The following CADM2 variants were observed in gnomAD, a reference collection of about 807,000 sequenced individuals.
CADM2 encodes the protein immunoglobulin superfamily member 4D.
In CADM2, 12 loss-of-function variants were observed where a neutral mutation model predicts 49.8. The observed-to-expected ratio is 0.24, with a 90% CI of 0.15 to 0.39. The LOEUF (loss-of-function observed/expected upper bound fraction) is 0.39, where lower values mean the gene tolerates loss of function less well. CADM2 is among the 10% of genes least tolerant of loss of function. The pLI is 1.00. For synonymous variants in CADM2, 214 were observed against 175.4 expected, an observed-to-expected ratio of 1.22 and a Z score of -1.74; for missense variants, 378 against 492.3, an observed-to-expected ratio of 0.77 and a Z score of 2.20.
chr3:85,088,573 G>A (rs942197171), intron 1 of CADM2, among the ~76,000 whole-genome samples: 1 of 151,938 alleles, frequency 6.6e-6, no homozygotes, highest in East Asian at 1.9e-4. Context: ...TTCTAATTAG[G>A]AAATAGGCCT....
intron 1 of CADM2, among the ~76,000 whole-genome samples, chr3:85,300,221 C>A (rs1382302872): frequency 6.6e-6 from 1 of 152,030 alleles, no homozygotes; most frequent in African/African-American, 2.4e-5. Context: ...TCCAAATCAT[C>A]TTCTCTAGAG....
At chr3:85,736,515 T>C (rs1431789441) in intron 2 of CADM2, among the ~76,000 whole-genome samples, 2 of 152,164 alleles carry the variant, frequency 1.3e-5, no homozygotes, top group Non-Finnish European at 2.9e-5. Context: ...AGCAGGGGAC[T>C]AAAAGACAGC....
intron 1 of CADM2, among the ~76,000 whole-genome samples, chr3:85,269,410 C>T (rs2043186930): frequency 6.6e-6 from 1 of 151,240 alleles, no homozygotes; most frequent in Non-Finnish European, 1.5e-5. Context: ...TGACAGATTA[C>T]ACCCCAAAAA....
intron 1 of CADM2, among the ~76,000 whole-genome samples, chr3:85,223,559 T>G (rs2042086272): frequency 6.6e-6 from 1 of 152,218 alleles, no homozygotes. Context: ...ATGTGTGTAT[T>G]CAGAGAGGTA....
Position 85,833,333 on chromosome 3 carries a change from T to C in CADM2, c.238+31137T>C, listed in dbSNP as rs922239808. On this transcript the variant is annotated intron_variant, in intron 3 of 9. Coordinates refer to ENST00000383699, the MANE Select transcript of CADM2 (RefSeq NM_001167675.2). Reference sequence around the variant, plus strand: ...TCTTTGTTAGATTTTGGCATCAGGGTGATGCTGGCTTCATAGAATGAGTTA... The same window carrying C: ...TCTTTGTTAGATTTTGGCATCAGGGCGATGCTGGCTTCATAGAATGAGTTA... Among the ~76,000 whole-genome samples, 4 of 151,808 alleles carry C rather than the reference T, an allele frequency of 2.6e-5. No homozygotes were observed. The East Asian group carries it at 7.8e-4, about 30-fold the overall frequency.
chr3:85,039,009 T>C (rs1225455150), intron 1 of CADM2, among the ~76,000 whole-genome samples: 2 of 152,190 alleles, frequency 1.3e-5, no homozygotes, highest in Non-Finnish European at 2.9e-5. Flanking sequence ...TTATGTTGTT[T>C]TCATTATTTT....
At chr3:85,795,765 G>A (rs181726811) in intron 2 of CADM2, among the ~76,000 whole-genome samples, 1 of 152,202 alleles carries the variant, frequency 6.6e-6, no homozygotes, top group Admixed American at 6.5e-5. Flanking sequence ...AGAACAGTTA[G>A]TATTGACATC....
chr3:85,109,825 C>T (rs2038384534), intron 1 of CADM2, among the ~76,000 whole-genome samples: 1 of 151,890 alleles, frequency 6.6e-6, no homozygotes, highest in South Asian at 2.1e-4. Context: ...ACTAACATAG[C>T]ACATTTTTGT....
intron 1 of CADM2, among the ~76,000 whole-genome samples, chr3:85,598,562 G>A (rs557625137): frequency 7.9e-5 from 12 of 151,964 alleles, no homozygotes; most frequent in Non-Finnish European, 1.8e-4. Context: ...AAAAGAACAG[G>A]AAGGTACAGA....
intron 8 of CADM2, among the ~76,000 whole-genome samples, chr3:86,001,234 G>A (rs1303166805): frequency 1.3e-5 from 2 of 152,080 alleles, no homozygotes; most frequent in Non-Finnish European, 2.9e-5. Flanking sequence ...TGTTGAGTTC[G>A]TTGGGTATTT....
intron 1 of CADM2, among the ~76,000 whole-genome samples, chr3:85,169,040 C>T (rs1559700427): frequency 6.6e-6 from 1 of 152,270 alleles, no homozygotes; most frequent in East Asian, 1.9e-4. Flanking sequence ...GCAATCTCCA[C>T]CTCCTGGGTT....
intron 1 of CADM2, among the ~76,000 whole-genome samples, chr3:85,713,038 A>G (rs2067162664): frequency 6.6e-6 from 1 of 152,164 alleles, no homozygotes; most frequent in Non-Finnish European, 1.5e-5. Context: ...CAGTTGTCCA[A>G]CATTTGTTAT....
intron 8 of CADM2, among the ~76,000 whole-genome samples, chr3:86,059,563 A>C (rs1375489578): frequency 6.6e-6 from 1 of 152,218 alleles, no homozygotes; most frequent in Non-Finnish European, 1.5e-5. Flanking sequence ...TTAACAGGCT[A>C]ATGCCAACAA....
chr3:85,868,570 G>T (rs1018819016), intron 3 of CADM2, among the ~76,000 whole-genome samples: 3 of 152,006 alleles, frequency 2.0e-5, no homozygotes, highest in Non-Finnish European at 4.4e-5. Context: ...AAGATAAATT[G>T]GTTGGTTATG....
At chr3:85,300,380 T>C (rs2044067019) in intron 1 of CADM2, among the ~76,000 whole-genome samples, 1 of 152,162 alleles carries the variant, frequency 6.6e-6, no homozygotes, top group Non-Finnish European at 1.5e-5. Flanking sequence ...CAATATCCTT[T>C]TTTAAAAATC....
chr3:85,636,546 T>C (rs921779914), intron 1 of CADM2, among the ~76,000 whole-genome samples: 1 of 150,640 alleles, frequency 6.6e-6, no homozygotes, highest in Non-Finnish European at 1.5e-5. Flanking sequence ...ATAAAATTAG[T>C]GTAGCCTCAA....
Position 85,499,783 on chromosome 3 carries a change from TA to T in CADM2, c.62-226738del, listed in dbSNP as rs1406128694. ...ACCTTAGGCTGTCTTAAGATTTAAT[TA>T]TTTTACAGCTTTTCCTAGCAAGGAG... is the stretch of plus-strand genomic sequence containing the variant. On this transcript the variant is annotated intron_variant, in intron 1 of 9. Coordinates refer to ENST00000383699, the MANE Select transcript of CADM2 (RefSeq NM_001167675.2). Among the ~76,000 whole-genome samples, 3 of 152,128 alleles carry T rather than the reference TA, an allele frequency of 2.0e-5. No homozygotes were observed. The East Asian group carries it at 5.8e-4, about 29-fold the overall frequency.
At chr3:85,971,679 G>C (rs968412222) in intron 8 of CADM2, among the ~76,000 whole-genome samples, 1 of 151,596 alleles carries the variant, frequency 6.6e-6, no homozygotes, top group Admixed American at 6.6e-5. Flanking sequence ...TATTGAAGTA[G>C]GCGGAGCTAA....
intron 8 of CADM2, among the ~76,000 whole-genome samples, chr3:86,045,580 C>T (rs527372189): frequency 1.3e-5 from 2 of 152,154 alleles, no homozygotes; most frequent in Non-Finnish European, 2.9e-5. Context: ...CCCATTGTTT[C>T]AGCAGAACTT....
Sources: allele counts gnomAD v4.1 joint callset (sites outside exome capture counted in the v4.1 genomes callset), GRCh38; gene constraint gnomAD v4.1.1; transcripts MANE v1.5; gene names NCBI Gene and HGNC (gene_info 2026-07-23, HGNC 2026-07-21).